The following MATCAP2 variants were observed in gnomAD, a reference collection of about 807,000 sequenced individuals.
MATCAP2 encodes the protein putative tyrosine carboxypeptidase MATCAP2.
chr7:36,389,810 C>A, the MATCAP2 span: 1 of 866,104 alleles, frequency 1.2e-6, no homozygotes, highest in Non-Finnish European at 1.7e-6. Flanking sequence ...CCGCCCAGCG[C>A]GCATGCTCGC....
chr7:36,385,768 A>G, the MATCAP2 span, among the ~76,000 whole-genome samples: 1 of 149,394 alleles, frequency 6.7e-6, no homozygotes, highest in East Asian at 2.0e-4. Context: ...CCTGGGTGAC[A>G]GAGCAAGACC....
At chr7:36,353,467 T>A in the MATCAP2 span, among the ~76,000 whole-genome samples, 1 of 145,078 alleles carries the variant, frequency 6.9e-6, no homozygotes, top group Non-Finnish European at 1.5e-5. Flanking sequence ...GGGAAGATAC[T>A]CCCTGTTTAT....
At chr7:36,374,945 AC>A in the MATCAP2 span, among the ~76,000 whole-genome samples, 147 of 152,244 alleles carry the variant, frequency 9.7e-4, no homozygotes, top group Non-Finnish European at 1.6e-3. Flanking sequence ...TCATTGATGG[AC>A]ATTTGGGGTT....
chr7:36,329,648 G>A, the MATCAP2 span, among the ~76,000 whole-genome samples: 3 of 152,274 alleles, frequency 2.0e-5, no homozygotes, highest in Middle Eastern at 3.4e-3. Context: ...CTACAAAAAC[G>A]GGGAGTGACA....
chr7:36,359,423 A>C, the MATCAP2 span, among the ~76,000 whole-genome samples: 1 of 152,248 alleles, frequency 6.6e-6, no homozygotes, highest in Non-Finnish European at 1.5e-5. Flanking sequence ...CACAGAGTCT[A>C]GGGTAAAGAG....
At chr7:36,387,685 C>T in the MATCAP2 span, among the ~76,000 whole-genome samples, 15 of 152,192 alleles carry the variant, frequency 9.9e-5, no homozygotes, top group Admixed American at 9.2e-4. Flanking sequence ...AAACCAAAGA[C>T]ATAGTGGGAT....
At chr7:36,324,473 A>AATC in the MATCAP2 span, 2 of 152,212 alleles carry the variant, frequency 1.3e-5, no homozygotes, top group Admixed American at 6.5e-5. Context: ...ATGAAATTCT[A>AATC]ATCATCAATA....
chr7:36,389,662 A>T, the MATCAP2 span: 1 of 223,416 alleles, frequency 4.5e-6, no homozygotes, highest in Non-Finnish European at 8.7e-6. Context: ...GGAGAGCAGG[A>T]AGCGCCCCGC....
the MATCAP2 span, among the ~76,000 whole-genome samples, chr7:36,352,262 C>T: frequency 1.6e-4 from 25 of 151,602 alleles, no homozygotes; most frequent in Middle Eastern, 3.4e-3. Flanking sequence ...CCGGGCATGG[C>T]AGCGCACGCC....
At chr7:36,351,091 A>G in the MATCAP2 span, among the ~76,000 whole-genome samples, 5 of 152,236 alleles carry the variant, frequency 3.3e-5, no homozygotes, top group African/African-American at 1.2e-4. Context: ...CCACATAGGT[A>G]CTTACTTTCA....
the MATCAP2 span, chr7:36,366,733 C>T: frequency 6.5e-7 from 1 of 1,535,352 alleles, no homozygotes; most frequent in East Asian, 2.5e-5. Context: ...GATAAGGGGC[C>T]GATTTCTCTC....
At chr7:36,376,493 G>A in the MATCAP2 span, among the ~76,000 whole-genome samples, 2 of 152,310 alleles carry the variant, frequency 1.3e-5, no homozygotes, top group South Asian at 4.1e-4. Flanking sequence ...CATTTGCTGA[G>A]GATTGCTTTA....
At chr7:36,367,199 C>G in the MATCAP2 span, 1 of 1,181,536 alleles carries the variant, frequency 8.5e-7, no homozygotes, top group Non-Finnish European at 1.0e-6. Flanking sequence ...GCGCTTAGAA[C>G]CTGCCACCGT....
chr7:36,353,914 G>C, the MATCAP2 span, among the ~76,000 whole-genome samples: 1 of 152,148 alleles, frequency 6.6e-6, no homozygotes, highest in Non-Finnish European at 1.5e-5. Flanking sequence ...GATTTTATCT[G>C]AAGTATTTAC....
the MATCAP2 span, among the ~76,000 whole-genome samples, chr7:36,339,811 TAAG>T: frequency 6.6e-6 from 1 of 152,238 alleles, no homozygotes; most frequent in African/African-American, 2.4e-5. Flanking sequence ...AAATTATCTC[TAAG>T]AAGTATTATG....
At chr7:36,372,771 C>T in the MATCAP2 span, among the ~76,000 whole-genome samples, 1 of 152,128 alleles carries the variant, frequency 6.6e-6, no homozygotes, top group Non-Finnish European at 1.5e-5. Flanking sequence ...AGATATGAAA[C>T]CTACCTTCAA....
At chr7:36,389,524 G>A in the MATCAP2 span, among the ~76,000 whole-genome samples, 1 of 152,140 alleles carries the variant, frequency 6.6e-6, no homozygotes, top group Non-Finnish European at 1.5e-5. Context: ...CACTACTCCC[G>A]GCCTTAATAC....
At chr7:36,369,498 A>G in the MATCAP2 span, among the ~76,000 whole-genome samples, 1 of 152,232 alleles carries the variant, frequency 6.6e-6, no homozygotes, top group Non-Finnish European at 1.5e-5. Context: ...CAGTCACTGC[A>G]GTTTAAGAGC....
the MATCAP2 span, chr7:36,357,707 A>G: frequency 1.3e-6 from 1 of 748,814 alleles, no homozygotes; most frequent in Non-Finnish European, 2.1e-6. Flanking sequence ...TGCAGTAATC[A>G]TTAGAAAAAA....
Sources: gnomAD v4.1 joint callset for allele counts (sites outside exome capture counted in the v4.1 genomes callset) on GRCh38, gnomAD v4.1.1 for gene constraint, MANE v1.5 for transcripts, NCBI Gene and HGNC (gene_info 2026-07-23, HGNC 2026-07-21) for gene names.